The following SPECC1 variants were observed in gnomAD, a reference collection of about 807,000 sequenced individuals.
The protein encoded by SPECC1 is cytospin-B.
In SPECC1, 62 loss-of-function variants were observed where a neutral mutation model predicts 104.1. The ratio of observed to expected loss-of-function variants is 0.60; its 90% CI spans 0.49 to 0.74. The LOEUF (loss-of-function observed/expected upper bound fraction) is 0.74, where lower values mean the gene tolerates loss of function less well. Among genes scored for constraint, SPECC1 ranks in the 30% least tolerant of loss-of-function variants. The pLI, the probability that SPECC1 is intolerant of heterozygous loss-of-function variation, is 0.00. For synonymous variants in SPECC1, 513 were observed against 501.6 expected (o/e 1.02, Z -0.30); for missense variants, 1,306 against 1,310.5 (o/e 1.00, Z 0.05).
intron 3 of SPECC1, among the ~76,000 whole-genome samples, chr17:20,152,673 T>C (rs991719761): frequency 6.6e-6 from 1 of 152,152 alleles, no homozygotes; most frequent in Non-Finnish European, 1.5e-5. Context: ...TTATTTGTTT[T>C]ATTTTGTTTT....
chr17:20,210,115 C>T (rs1402476155), intron 4 of SPECC1, among the ~76,000 whole-genome samples: 1 of 152,138 alleles, frequency 6.6e-6, no homozygotes, highest in Non-Finnish European at 1.5e-5. Flanking sequence ...TCAGAGATGG[C>T]AGAACCAGAA....
At chr17:20,216,455 C>T (rs892026657) in intron 4 of SPECC1, among the ~76,000 whole-genome samples, 20 of 152,102 alleles carry the variant, frequency 1.3e-4, no homozygotes, top group Admixed American at 9.8e-4. Context: ...CTTTATCTTC[C>T]GAGTAAGGAG....
At chr17:20,137,886 C>T (rs942192323) in intron 3 of SPECC1, among the ~76,000 whole-genome samples, 2 of 151,986 alleles carry the variant, frequency 1.3e-5, no homozygotes, top group Admixed American at 1.3e-4. Flanking sequence ...AGGCTGGTCT[C>T]GAACTCCTGA....
chr17:20,298,690 A>G (rs2041437194), intron 13 of SPECC1, among the ~76,000 whole-genome samples: 1 of 152,056 alleles, frequency 6.6e-6, no homozygotes, highest in African/African-American at 2.4e-5. Context: ...TTAGTGACAG[A>G]TTGGTTGTAG....
chr17:20,069,594 G>A (rs2046474595), intron 1 of SPECC1, among the ~76,000 whole-genome samples: 1 of 152,082 alleles, frequency 6.6e-6, no homozygotes, highest in Admixed American at 6.6e-5. Context: ...TGAAAAGACT[G>A]TCTCCCATTG....
At chr17:20,224,556 T>G (rs2038094647) in intron 4 of SPECC1, among the ~76,000 whole-genome samples, 1 of 152,000 alleles carries the variant, frequency 6.6e-6, no homozygotes, top group South Asian at 2.1e-4. Flanking sequence ...GTATCCAAGT[T>G]GGAAGACAAA....
intron 3 of SPECC1, among the ~76,000 whole-genome samples, chr17:20,153,364 G>A (rs1241110863): frequency 6.6e-6 from 1 of 152,172 alleles, no homozygotes; most frequent in Non-Finnish European, 1.5e-5. Flanking sequence ...ACTAAGCTTA[G>A]AAGGACTTCA....
chr17:20,125,233 T>A (rs2049240141), intron 3 of SPECC1, among the ~76,000 whole-genome samples: 1 of 152,122 alleles, frequency 6.6e-6, no homozygotes, highest in African/African-American at 2.4e-5. Flanking sequence ...TACTTTTCCA[T>A]CAACCTAATT....
At chr17:20,189,721 C>T (rs901653422) in intron 3 of SPECC1, among the ~76,000 whole-genome samples, 4 of 151,982 alleles carry the variant, frequency 2.6e-5, no homozygotes, top group African/African-American at 4.8e-5. Flanking sequence ...TCATAGTGGC[C>T]GTGGTACAGC....
chr17:20,090,430 C>T (rs983905446), intron 1 of SPECC1, among the ~76,000 whole-genome samples: 1 of 152,170 alleles, frequency 6.6e-6, no homozygotes. Flanking sequence ...CCCCAGCTGG[C>T]GTCCCAGGCA....
chr17:20,121,754 C>T (rs1035512754), intron 3 of SPECC1, among the ~76,000 whole-genome samples: 8 of 152,156 alleles, frequency 5.3e-5, no homozygotes, highest in African/African-American at 1.9e-4. Context: ...CCTGCCTGCC[C>T]CAGGGTCAAG....
rs142782576 is a variant in SPECC1 at position 20,123,579 on chromosome 17, T to C, written c.283+13017T>C. Among the ~76,000 whole-genome samples, 23 of 152,284 alleles carry C rather than the reference T, an allele frequency of 1.5e-4. No homozygotes were observed. In the East Asian group the frequency reaches 4.1e-3, roughly 27 times the overall value. ...CATGAGGAGGGGAACTCGTCTAACA[T>C]GGAAGGTAAGTATTCTTATCCCCAT... On this transcript the variant is annotated intron_variant, in intron 3 of 14. Coordinates refer to ENST00000395527, the MANE Select transcript of SPECC1 (RefSeq NM_001243439.2).
chr17:20,016,509 G>A (rs940514687), intron 1 of SPECC1, among the ~76,000 whole-genome samples: 17 of 152,176 alleles, frequency 1.1e-4, no homozygotes, highest in Non-Finnish European at 1.8e-4. Flanking sequence ...GGTGCTTGCG[G>A]GCCAGCGTGA....
At chr17:20,261,501 CAA>C (rs75833770) in intron 12 of SPECC1, among the ~76,000 whole-genome samples, 10 of 54,778 alleles carry the variant, frequency 1.8e-4, no homozygotes, top group East Asian at 5.1e-4. Context: ...GACTCCGTCT[CAA>C]AAAAAAAAAA....
chr17:20,225,856 TCTC>T (rs1243266455), intron 4 of SPECC1, among the ~76,000 whole-genome samples: 6 of 152,212 alleles, frequency 3.9e-5, no homozygotes, highest in Admixed American at 3.9e-4. Flanking sequence ...TCTCCAGGTC[TCTC>T]CTCCTTTCCT....
intron 2 of SPECC1, among the ~76,000 whole-genome samples, chr17:20,108,502 A>T (rs181668938): frequency 2.6e-5 from 4 of 152,266 alleles, no homozygotes; most frequent in Admixed American, 6.5e-5. Flanking sequence ...TAACTCCCCG[A>T]GAGGTAACCA....
chr17:20,150,920 T>C (rs2031948986), intron 3 of SPECC1, among the ~76,000 whole-genome samples: 2 of 152,154 alleles, frequency 1.3e-5, no homozygotes, highest in South Asian at 4.1e-4. Flanking sequence ...CAGTAGAATA[T>C]AGAAATTTTT....
At chr17:20,112,690 G>A (rs2048552459) in intron 3 of SPECC1, 1 of 1,107,144 alleles carries the variant, frequency 9.0e-7, no homozygotes, top group Non-Finnish European at 1.4e-6. Flanking sequence ...GAGCATCCCT[G>A]AAACTGTGTA....
intron 2 of SPECC1, among the ~76,000 whole-genome samples, chr17:20,109,426 GA>G (rs1393270678): frequency 6.6e-6 from 1 of 152,206 alleles, no homozygotes; most frequent in Non-Finnish European, 1.5e-5. Flanking sequence ...CAGTAGTTGA[GA>G]GAATTCAGTT....
Sources: allele counts gnomAD v4.1 joint callset (sites outside exome capture counted in the v4.1 genomes callset), GRCh38; gene constraint gnomAD v4.1.1; transcripts MANE v1.5; gene names NCBI Gene and HGNC (gene_info 2026-07-23, HGNC 2026-07-21).